The following DCAF6 variants were observed in gnomAD, a reference collection of about 807,000 sequenced individuals.
DCAF6 encodes DDB1 and CUL4 associated factor 6, also known as DDB1- and CUL4-associated factor 6.
A neutral mutation model predicts 125.1 loss-of-function variants in DCAF6; 54 were observed. The ratio of observed to expected loss-of-function variants is 0.43; its 90% CI spans 0.35 to 0.54. DCAF6 has a LOEUF of 0.54. DCAF6 is among the 20% of genes least tolerant of loss of function. DCAF6 has a pLI of 0.01. For synonymous variants in DCAF6, 371 were observed against 390.4 expected (o/e 0.95, Z 0.58); for missense variants, 934 against 1,161.7 (o/e 0.80, Z 2.85).
chr1:168,035,881 G>A (rs749674581), intron 12 of DCAF6, among the ~76,000 whole-genome samples: 1 of 151,994 alleles, frequency 6.6e-6, no homozygotes, highest in Non-Finnish European at 1.5e-5. Flanking sequence ...TGGCTAACAT[G>A]GTGAAACCCC....
intron 12 of DCAF6, among the ~76,000 whole-genome samples, chr1:168,034,199 A>T (rs1410143847): frequency 6.6e-6 from 1 of 152,230 alleles, no homozygotes; most frequent in Non-Finnish European, 1.5e-5. Context: ...CTAAGATTGT[A>T]TATTAAGTAG....
chr1:167,875,906 T>C, the DCAF6 span, among the ~76,000 whole-genome samples: 2 of 151,278 alleles, frequency 1.3e-5, no homozygotes, highest in Non-Finnish European at 2.9e-5. Flanking sequence ...TGAGCCGAGA[T>C]CGCACCACTG....
At chr1:167,991,522 T>G (rs576491789) in intron 6 of DCAF6, among the ~76,000 whole-genome samples, 183 bp downstream of exon 6, 26 of 152,320 alleles carry the variant, frequency 1.7e-4, no homozygotes, top group Admixed American at 5.9e-4. Context: ...ATGATACTTT[T>G]GCAGTTTAAA....
the DCAF6 span, chr1:167,901,735 T>G: frequency 1.2e-6 from 2 of 1,614,080 alleles, no homozygotes; most frequent in African/African-American, 1.3e-5. Context: ...CCAGGCTACA[T>G]TTAATTACCA....
intron 12 of DCAF6, among the ~76,000 whole-genome samples, chr1:168,038,163 A>G (rs1452205361): frequency 6.6e-6 from 1 of 152,234 alleles, no homozygotes; most frequent in Non-Finnish European, 1.5e-5. Flanking sequence ...AGTCATGTAC[A>G]CAAAGCTAGA....
chr1:168,056,715 C>T (rs1690905108), intron 17 of DCAF6, among the ~76,000 whole-genome samples: 1 of 152,174 alleles, frequency 6.6e-6, no homozygotes, highest in African/African-American at 2.4e-5. Flanking sequence ...CAGCAAGAAA[C>T]CTCTTTAAGC....
chr1:167,923,613 A>G, the DCAF6 span, among the ~76,000 whole-genome samples: 2 of 152,292 alleles, frequency 1.3e-5, no homozygotes, highest in South Asian at 4.1e-4. Context: ...GAGATTGGTT[A>G]ACAATGATGT....
At chr1:167,940,686 A>G (rs1357574515) in intron 1 of DCAF6, among the ~76,000 whole-genome samples, 2 of 151,984 alleles carry the variant, frequency 1.3e-5, no homozygotes, top group Non-Finnish European at 2.9e-5. Context: ...GTAAAGATAA[A>G]CATTGTTAAT....
the DCAF6 span, chr1:167,878,445 C>T: frequency 2.5e-6 from 4 of 1,613,632 alleles, no homozygotes; most frequent in East Asian, 6.7e-5. Flanking sequence ...TCCACACTCA[C>T]ACTTTCTCAG....
At chr1:167,894,415 G>C in the DCAF6 span, among the ~76,000 whole-genome samples, 1 of 152,078 alleles carries the variant, frequency 6.6e-6, no homozygotes, top group Non-Finnish European at 1.5e-5. Flanking sequence ...TGCTGCCCTG[G>C]TTGCCTCCTA....
At chr1:167,867,444 C>T in the DCAF6 span, among the ~76,000 whole-genome samples, 51,130 of 152,018 alleles carry the variant, frequency 0.34, 9,460 homozygotes, top group African/African-American at 0.5. Flanking sequence ...CATCAAGTCA[C>T]TGAGGTAGGA....
At chr1:167,869,143 C>T in the DCAF6 span, among the ~76,000 whole-genome samples, 3 of 152,278 alleles carry the variant, frequency 2.0e-5, no homozygotes, top group Non-Finnish European at 4.4e-5. Context: ...AGCACGGATT[C>T]GACCCTGAAG....
At chr1:167,872,080 G>A in the DCAF6 span, among the ~76,000 whole-genome samples, 5 of 152,076 alleles carry the variant, frequency 3.3e-5, no homozygotes, top group Admixed American at 6.5e-5. Context: ...GGTGGCTCAC[G>A]CCTGTAATCC....
chr1:167,929,584 A>G, the DCAF6 span, among the ~76,000 whole-genome samples: 3 of 152,324 alleles, frequency 2.0e-5, no homozygotes, highest in South Asian at 6.2e-4. Context: ...GTTGCCTTGA[A>G]CTTCAATGAA....
chr1:168,031,331 G>T (rs930367572), intron 12 of DCAF6, among the ~76,000 whole-genome samples: 5 of 152,158 alleles, frequency 3.3e-5, no homozygotes, highest in African/African-American at 4.8e-5. Context: ...ATAGAACAGC[G>T]TGGTGTCTTG....
At chr1:167,939,966 T>A (rs890405452) in intron 1 of DCAF6, among the ~76,000 whole-genome samples, 1 of 152,312 alleles carries the variant, frequency 6.6e-6, no homozygotes, top group South Asian at 2.1e-4. Context: ...TTCTACAGAT[T>A]TTTTAGCAGT....
intron 5 of DCAF6, among the ~76,000 whole-genome samples, chr1:167,988,635 T>C (rs1216922934): frequency 6.6e-6 from 1 of 152,074 alleles, no homozygotes; most frequent in Non-Finnish European, 1.5e-5. Flanking sequence ...ATTCAAAATA[T>C]GTTTTTACTG....
the DCAF6 span, chr1:167,902,018 G>C: frequency 1.9e-6 from 3 of 1,610,984 alleles, no homozygotes; most frequent in Non-Finnish European, 2.5e-6. Flanking sequence ...CCCCATACCT[G>C]CAAATTTCAG....
chr1:167,984,826 A>G (rs1679712352), intron 4 of DCAF6, among the ~76,000 whole-genome samples: 1 of 152,194 alleles, frequency 6.6e-6, no homozygotes. Flanking sequence ...AGTTTGGTAA[A>G]TTAAAAATTA....
Sources: gnomAD v4.1 joint callset for allele counts (sites outside exome capture counted in the v4.1 genomes callset) on GRCh38, gnomAD v4.1.1 for gene constraint, MANE v1.5 for transcripts, NCBI Gene and HGNC (gene_info 2026-07-23, HGNC 2026-07-21) for gene names.